Variants in RNF111 observed in about 807,000 individuals in gnomAD.
The protein encoded by RNF111 is E3 ubiquitin-protein ligase Arkadia.
Under a neutral mutation model 95.1 loss-of-function variants are expected in RNF111, and 17 were observed. That is an observed-to-expected ratio of 0.18 (90% CI 0.12 to 0.27). The LOEUF (loss-of-function observed/expected upper bound fraction) is 0.27. Ranked by LOEUF, RNF111 falls within the 10% of genes least tolerant of loss-of-function variation. The probability of loss-of-function intolerance (pLI) is 1.00; values close to 1 mark genes in which losing one functional copy is unlikely to be tolerated. For missense variants in RNF111, 1,189 were observed against 1,210.4 expected (o/e 0.98, Z 0.26); for synonymous variants, 440 against 414.8 (o/e 1.06, Z -0.74).
intron 8 of RNF111, among the ~76,000 whole-genome samples, chr15:59,082,059 C>T (rs1232006140): frequency 6.6e-6 from 1 of 152,186 alleles, no homozygotes; most frequent in Non-Finnish European, 1.5e-5. Flanking sequence ...GCCTGGGTGA[C>T]ACAGGGAGAC....
At chr15:59,019,684 C>G (rs2414618) in intron 1 of RNF111, among the ~76,000 whole-genome samples, 42 of 152,054 alleles carry the variant, frequency 2.8e-4, no homozygotes, top group African/African-American at 1.0e-3. Context: ...TTAAGCCAGG[C>G]GTGGTGGCTT....
chr15:59,040,015 C>G (rs185910482), intron 2 of RNF111, among the ~76,000 whole-genome samples: 3 of 151,894 alleles, frequency 2.0e-5, no homozygotes, highest in Non-Finnish European at 4.4e-5. Context: ...GCGCCCTGCC[C>G]GATTTTCTTT....
rs2040898587 is a variant in RNF111 at position 59,031,392 on chromosome 15, A to G, written c.570A>G (p.Glu190=). The change falls in exon 2 of 14, where the codon GAA becomes GAG. Residue 190 remains glutamate, a synonymous_variant. Coordinates refer to ENST00000348370, the MANE Select transcript of RNF111 (RefSeq NM_017610.8). The part of the protein sequence containing the change: ...RSHKWPRTET[E]SVSGLLMKRP... ...ATAAGTGGCCTCGGACTGAGACAGA[A>G]TCTGTATCGGGATTGTTAATGAAAA... is the stretch of plus-strand genomic sequence containing the variant. The G allele has an allele frequency of 1.9e-6, 3 of 1,614,184 alleles. No homozygotes were observed. The highest frequency in any genetic ancestry group is 2.5e-6 in the Non-Finnish European group (3 of 1,180,022).
chr15:59,076,447 T>C (rs918803890), intron 7 of RNF111, among the ~76,000 whole-genome samples: 17 of 152,170 alleles, frequency 1.1e-4, no homozygotes. Flanking sequence ...GAAAGTTGAG[T>C]AGTATTTCTA....
intron 1 of RNF111, among the ~76,000 whole-genome samples, chr15:58,992,499 G>A (rs2038863078): frequency 1.3e-5 from 2 of 152,158 alleles, no homozygotes; most frequent in South Asian, 4.1e-4. Flanking sequence ...CTTTTGTGAG[G>A]TTTGAAAATT....
At chr15:59,048,228 GGATA>G (rs1229172764) in intron 2 of RNF111, among the ~76,000 whole-genome samples, 1 of 152,066 alleles carries the variant, frequency 6.6e-6, no homozygotes, top group Non-Finnish European at 1.5e-5. Flanking sequence ...GTGGATGAAT[GGATA>G]AAGTATGTTA....
chr15:59,053,288 A>G (rs2042069209), intron 3 of RNF111, among the ~76,000 whole-genome samples: 1 of 152,178 alleles, frequency 6.6e-6, no homozygotes, highest in Non-Finnish European at 1.5e-5. Context: ...TCAACTCCTA[A>G]CATTGCATTC....
chr15:59,075,228 G>T lies in RNF111; in HGVS notation c.1687-726G>T, dbSNP rs543796622. On this transcript the variant is annotated intron_variant, in intron 6 of 13. Transcript: ENST00000348370. ...TGATAGACTTGCTTGACACAGTGTC[G>T]CCACAAACCTTCAATTTATTAAAAA... 3.9e-5 allele frequency among the ~76,000 whole-genome samples: 6 copies of T among 152,216 alleles called. No individual in the cohort carries two copies. The South Asian group carries it at 1.2e-3, about 32-fold the overall frequency.
intron 2 of RNF111, among the ~76,000 whole-genome samples, chr15:59,042,359 T>TC (rs2041507066): frequency 6.6e-6 from 1 of 152,200 alleles, no homozygotes; most frequent in Non-Finnish European, 1.5e-5. Flanking sequence ...ACTTCTGAGC[T>TC]CAAGTGATCC....
intron 11 of RNF111, 123 bp downstream of exon 11, chr15:59,089,882 T>G: frequency 1.3e-5 from 8 of 607,702 alleles, no homozygotes; most frequent in Non-Finnish European, 2.3e-5. Context: ...TGTGATTTTC[T>G]GATGTTGCTT....
At chr15:59,061,526 T>A (rs1041646621) in intron 5 of RNF111, among the ~76,000 whole-genome samples, 1 of 152,150 alleles carries the variant, frequency 6.6e-6, no homozygotes, top group African/African-American at 2.4e-5. Context: ...GGGGAAATTT[T>A]AAAAAAATGA....
At chr15:59,005,924 A>G (rs751118380) in intron 1 of RNF111, among the ~76,000 whole-genome samples, 1 of 152,248 alleles carries the variant, frequency 6.6e-6, no homozygotes, top group East Asian at 1.9e-4. Flanking sequence ...TAATTTGCTA[A>G]TGAGTCACAG....
intron 1 of RNF111, among the ~76,000 whole-genome samples, chr15:59,008,259 C>T (rs539219267): frequency 6.6e-6 from 1 of 152,264 alleles, no homozygotes; most frequent in South Asian, 2.1e-4. Flanking sequence ...TCTCTGTTGC[C>T]CAGGCTGCAG....
rs548415484 is a variant in RNF111, at chr15:59,009,336, G to A, written c.-20+21268G>A. Among the ~76,000 whole-genome samples, 4 of 152,140 alleles carry A rather than the reference G, an allele frequency of 2.6e-5. No individual in the cohort carries two copies. The East Asian group carries it at 7.7e-4, about 29-fold the overall frequency. ...CTTGGGATATTTCATCTTAGCTAGA[G>A]CATAGTCTTTGTGAGGGTGACTATC... On this transcript the variant is annotated intron_variant, in intron 1 of 13. Transcript: ENST00000348370.
intron 1 of RNF111, among the ~76,000 whole-genome samples, chr15:59,022,485 T>A (rs1236263471): frequency 6.6e-6 from 1 of 152,222 alleles, no homozygotes; most frequent in Non-Finnish European, 1.5e-5. Flanking sequence ...TCCATTTAAC[T>A]GTATTTTCTT....
intron 1 of RNF111, among the ~76,000 whole-genome samples, chr15:59,020,619 A>G (rs2040292723): frequency 6.6e-6 from 1 of 152,226 alleles, no homozygotes; most frequent in Non-Finnish European, 1.5e-5. Context: ...CTAATATTTA[A>G]GGATTTCAGA....
intron 6 of RNF111, among the ~76,000 whole-genome samples, chr15:59,067,349 T>G (rs1423934251): frequency 6.6e-6 from 1 of 150,982 alleles, no homozygotes; most frequent in Non-Finnish European, 1.5e-5. Context: ...CTCTCCTTTC[T>G]CCTTTCCCTT....
At chr15:59,088,043 A>G (rs544732999) in intron 10 of RNF111, among the ~76,000 whole-genome samples, 1 of 152,276 alleles carries the variant, frequency 6.6e-6, no homozygotes, top group Admixed American at 6.5e-5. Context: ...AAGTGAAGGA[A>G]ACCCCTATTT....
intron 1 of RNF111, among the ~76,000 whole-genome samples, chr15:59,029,656 C>T (rs1256458627): frequency 2.6e-5 from 4 of 152,156 alleles, no homozygotes; most frequent in African/African-American, 7.2e-5. Flanking sequence ...CTGTTGTACT[C>T]GCTTTTTAGG....
Sources: gnomAD v4.1 joint callset for allele counts (sites outside exome capture counted in the v4.1 genomes callset) on GRCh38, gnomAD v4.1.1 for gene constraint, MANE v1.5 for transcripts, NCBI Gene and HGNC (gene_info 2026-07-23, HGNC 2026-07-21) for gene names.